Variants in GRK3 observed in about 807,000 individuals in gnomAD.
GRK3 encodes adrenergic, beta, receptor kinase 2.
A neutral mutation model predicts 95.7 loss-of-function variants in GRK3; 54 were observed. That is an observed-to-expected ratio of 0.56 (90% CI 0.45 to 0.71). The LOEUF is 0.71. Among genes scored for constraint, GRK3 ranks in the 30% least tolerant of loss-of-function variants. The probability of loss-of-function intolerance (pLI) is 0.00; values close to 1 mark genes in which losing one functional copy is unlikely to be tolerated. For missense variants in GRK3, 649 were observed against 851.2 expected (o/e 0.76, Z 2.96); for synonymous variants, 281 against 290.8 (o/e 0.97, Z 0.34).
At chr22:25,672,528 G>A (rs1321162564) in intron 7 of GRK3, among the ~76,000 whole-genome samples, 181 bp downstream of exon 7, 2 of 152,048 alleles carry the variant, frequency 1.3e-5, no homozygotes, top group African/African-American at 4.8e-5. Context: ...AACAATAGAA[G>A]CTTTAATCCT....
chr22:25,657,539 A>G (rs564552714), intron 3 of GRK3, among the ~76,000 whole-genome samples: 1 of 152,158 alleles, frequency 6.6e-6, no homozygotes, highest in Non-Finnish European at 1.5e-5. Flanking sequence ...TCGTTCTACT[A>G]TCAATTTGTT....
rs536273282 is a variant in GRK3, at chr22:25,619,650, GT to G, written c.190+15221del. ...AGGTGCACACGATCATACCTGGCTA[GT>G]TTTTTTTTTTTTTTTTTTTTTTTGT... On this transcript the variant is annotated intron_variant, in intron 2 of 20. Transcript: ENST00000324198. 5.3e-3 allele frequency among the ~76,000 whole-genome samples: 568 copies of G among 107,922 alleles called. 1 individual carries two copies. Among genetic ancestry groups the G allele is most frequent in the African/African-American group, 0.017 (456 of 26,536 alleles). 70.8% of individuals were successfully genotyped at this position (107,922 alleles called of 152,430 possible). A position where few individuals can be genotyped will look rare whatever the true frequency, so the allele number is the denominator to read the frequency against.
chr22:25,600,028 G>A (rs959434708), intron 1 of GRK3, among the ~76,000 whole-genome samples: 3 of 152,118 alleles, frequency 2.0e-5, no homozygotes, highest in African/African-American at 4.8e-5. Context: ...ACAGAAGTAT[G>A]CAGATTCTTT....
intron 12 of GRK3, among the ~76,000 whole-genome samples, chr22:25,692,352 C>A (rs1400825967): frequency 6.6e-6 from 1 of 152,224 alleles, no homozygotes; most frequent in Non-Finnish European, 1.5e-5. Flanking sequence ...TTGGGTTCTT[C>A]TTCCTAGTTG....
chr22:25,664,151 T>C (rs1283457469), intron 5 of GRK3, among the ~76,000 whole-genome samples: 1 of 152,208 alleles, frequency 6.6e-6, no homozygotes, highest in Non-Finnish European at 1.5e-5. Flanking sequence ...CTTTGAGTCA[T>C]GGGAAATTGT....
chr22:25,702,973 G>A (rs1306487008), intron 13 of GRK3: 5 of 437,392 alleles, frequency 1.1e-5, no homozygotes, highest in Non-Finnish European at 1.8e-5. Context: ...CAGAGCTGTG[G>A]AGAATCTGCT....
At chr22:25,672,599 CTT>C (rs917105563) in intron 7 of GRK3, among the ~76,000 whole-genome samples, 1 of 152,142 alleles carries the variant, frequency 6.6e-6, no homozygotes, top group Non-Finnish European at 1.5e-5. Context: ...GTAATTGACT[CTT>C]TAACAAAAAT....
chr22:25,631,735 T>C (rs2084665710), intron 2 of GRK3, among the ~76,000 whole-genome samples: 1 of 152,228 alleles, frequency 6.6e-6, no homozygotes, highest in African/African-American at 2.4e-5. Flanking sequence ...TGACCCTTCG[T>C]AGTCAACCCA....
chr22:25,714,348 G>A (rs777377322), intron 17 of GRK3, 60 bp from the exon 18 acceptor site: 156 of 1,472,566 alleles, frequency 1.1e-4, no homozygotes, highest in Non-Finnish European at 1.3e-4. Flanking sequence ...GTGGCGCCGC[G>A]GACTCTTACC....
intron 3 of GRK3, among the ~76,000 whole-genome samples, chr22:25,655,559 G>A (rs919747196): frequency 6.6e-6 from 1 of 152,096 alleles, no homozygotes; most frequent in African/African-American, 2.4e-5. Flanking sequence ...CTCATGTCAT[G>A]CCTACCATGT....
chr22:25,624,150 T>G (rs1174806783), intron 2 of GRK3, among the ~76,000 whole-genome samples: 2 of 152,246 alleles, frequency 1.3e-5, no homozygotes, highest in Non-Finnish European at 2.9e-5. Context: ...CAGCGTTCAT[T>G]GTGAACATGC....
intron 1 of GRK3, among the ~76,000 whole-genome samples, chr22:25,579,256 C>T (rs1932014350): frequency 6.6e-6 from 1 of 150,946 alleles, no homozygotes; most frequent in Non-Finnish European, 1.5e-5. Flanking sequence ...ACCTCCTGGG[C>T]TCAACTGATC....
intron 2 of GRK3, among the ~76,000 whole-genome samples, chr22:25,623,763 T>A (rs1243021242): frequency 2.0e-5 from 3 of 152,166 alleles, no homozygotes; most frequent in African/African-American, 7.2e-5. Flanking sequence ...GCTGATGCCT[T>A]CTCGTCCTTG....
intron 1 of GRK3, among the ~76,000 whole-genome samples, chr22:25,571,083 C>T (rs1467114659): frequency 6.6e-6 from 1 of 152,200 alleles, no homozygotes; most frequent in Admixed American, 6.5e-5. Context: ...TTGTTTGCCA[C>T]CATTTCCTTC....
At chr22:25,686,918 C>G (rs1394933263) in intron 10 of GRK3, among the ~76,000 whole-genome samples, 22 of 152,194 alleles carry the variant, frequency 1.4e-4, no homozygotes, top group Non-Finnish European at 4.4e-5. Flanking sequence ...CTTTCAGGTT[C>G]AAGAGATTCT....
intron 1 of GRK3, among the ~76,000 whole-genome samples, chr22:25,579,593 C>A (rs1344261363): frequency 1.3e-5 from 2 of 152,052 alleles, no homozygotes; most frequent in Admixed American, 6.5e-5. Context: ...CTGCCTCAGC[C>A]TCCTGAGTAG....
intron 6 of GRK3, 124 bp downstream of exon 6, chr22:25,667,924 G>A: frequency 4.9e-6 from 3 of 608,674 alleles, no homozygotes; most frequent in South Asian, 2.1e-5. Flanking sequence ...GACCATGTAC[G>A]ATGTGCCAGG....
chr22:25,646,647 C>T (rs2084784543), intron 3 of GRK3, among the ~76,000 whole-genome samples: 1 of 151,998 alleles, frequency 6.6e-6, no homozygotes, highest in Non-Finnish European at 1.5e-5. Context: ...TTAAAATAGC[C>T]ATGGTGAGCA....
intron 12 of GRK3, among the ~76,000 whole-genome samples, chr22:25,694,600 C>G (rs2085191916): frequency 6.6e-6 from 1 of 152,208 alleles, no homozygotes; most frequent in Non-Finnish European, 1.5e-5. Flanking sequence ...TTTCCCATCC[C>G]CCTGGGGTCT....
Sources: gnomAD v4.1 joint callset for allele counts (sites outside exome capture counted in the v4.1 genomes callset) on GRCh38, gnomAD v4.1.1 for gene constraint, MANE v1.5 for transcripts, NCBI Gene and HGNC (gene_info 2026-07-23, HGNC 2026-07-21) for gene names.